NRG3: variants seen among roughly 807,000 people sequenced by gnomAD.
The protein encoded by NRG3 is neuregulin 3, also known as pro-neuregulin-3, membrane-bound isoform.
In NRG3, 31 loss-of-function variants were observed where a neutral mutation model predicts 66.9. The observed-to-expected ratio is 0.46, with a 90% CI of 0.35 to 0.63. The LOEUF is 0.63. Ranked by LOEUF, NRG3 falls within the 20% of genes least tolerant of loss-of-function variation. NRG3 has a pLI of 0.00. For synonymous variants in NRG3, 393 were observed against 359.4 expected, an observed-to-expected ratio of 1.09 and a Z score of -1.06; for missense variants, 910 against 878.9, an observed-to-expected ratio of 1.04 and a Z score of -0.45.
intron 2 of NRG3, among the ~76,000 whole-genome samples, chr10:82,658,421 G>GA (rs1165089182): frequency 6.6e-6 from 1 of 152,102 alleles, no homozygotes; most frequent in Non-Finnish European, 1.5e-5. Context: ...TGGCATTTAT[G>GA]AAAAATCTAC....
chr10:82,151,763 G>A (rs2070765455), intron 1 of NRG3, among the ~76,000 whole-genome samples: 1 of 152,138 alleles, frequency 6.6e-6, no homozygotes, highest in African/African-American at 2.4e-5. Context: ...TTATTGACCT[G>A]TGATGATCAC....
intron 1 of NRG3, among the ~76,000 whole-genome samples, chr10:82,280,036 T>G (rs2079051749): frequency 6.6e-6 from 1 of 152,146 alleles, no homozygotes; most frequent in African/African-American, 2.4e-5. Flanking sequence ...ATCAGGAGTT[T>G]CCAGTGGGCA....
chr10:82,577,972 A>G (rs759894961), intron 2 of NRG3, among the ~76,000 whole-genome samples: 3 of 151,594 alleles, frequency 2.0e-5, no homozygotes, highest in Non-Finnish European at 4.4e-5. Flanking sequence ...CTTTATTTCC[A>G]TGGTAACCAT....
At position 82,056,105 on chromosome 10, in the gene NRG3, C is replaced by G. The variant is rs76689111; in HGVS notation, c.823+179942C>G. Among the ~76,000 whole-genome samples, 944 of 152,230 alleles carry G rather than the reference C, an allele frequency of 6.2e-3. 6 individuals carry two copies. The highest frequency in any genetic ancestry group is 0.021 in the African/African-American group (883 of 41,534). Reference sequence around the variant, plus strand: ...TGCCTTTTAAAAAATTTTGTCCCATCATAGTACCTGTGTGGGAGTGTGACT... The same window carrying G: ...TGCCTTTTAAAAAATTTTGTCCCATGATAGTACCTGTGTGGGAGTGTGACT... On this transcript the variant is annotated intron_variant, in intron 1 of 8. Coordinates refer to ENST00000372141, the MANE Select transcript of NRG3 (RefSeq NM_001010848.4).
At chr10:82,633,719 C>T (rs570329558) in intron 2 of NRG3, among the ~76,000 whole-genome samples, 16 of 152,072 alleles carry the variant, frequency 1.1e-4, no homozygotes, top group African/African-American at 3.4e-4. Context: ...TTCCACGAGA[C>T]GTTACTAGAA....
At chr10:82,288,674 C>T (rs191289233) in intron 1 of NRG3, among the ~76,000 whole-genome samples, 17 of 152,304 alleles carry the variant, frequency 1.1e-4, no homozygotes, top group East Asian at 9.7e-4. Context: ...CTAGAACTCA[C>T]GATCCAGTGG....
At chr10:82,140,778 T>C (rs1425926383) in intron 1 of NRG3, among the ~76,000 whole-genome samples, 1 of 151,972 alleles carries the variant, frequency 6.6e-6, no homozygotes, top group African/African-American at 2.4e-5. Flanking sequence ...AATAAAACAA[T>C]GTTAATCTGT....
At chr10:82,677,806 C>T (rs1192890027) in intron 2 of NRG3, among the ~76,000 whole-genome samples, 1 of 152,122 alleles carries the variant, frequency 6.6e-6, no homozygotes, top group African/African-American at 2.4e-5. Context: ...TGGAAGGGGG[C>T]CAAGTGGGCA....
intron 4 of NRG3, among the ~76,000 whole-genome samples, chr10:82,943,475 G>C (rs982080342): frequency 6.6e-6 from 1 of 152,198 alleles, no homozygotes; most frequent in Non-Finnish European, 1.5e-5. Context: ...GAGGCCAAAG[G>C]CTTGAGAACC....
chr10:82,552,188 A>C (rs1481891503), intron 2 of NRG3, among the ~76,000 whole-genome samples: 1 of 152,170 alleles, frequency 6.6e-6, no homozygotes, highest in Non-Finnish European at 1.5e-5. Flanking sequence ...TATTAGTTGA[A>C]ATAATTCTGT....
At chr10:82,177,485 TGAAAA>T (rs2073118584) in intron 1 of NRG3, among the ~76,000 whole-genome samples, 1 of 152,214 alleles carries the variant, frequency 6.6e-6, no homozygotes, top group Non-Finnish European at 1.5e-5. Context: ...GACCAAGATT[TGAAAA>T]GAAGTTTTTT....
intron 2 of NRG3, among the ~76,000 whole-genome samples, chr10:82,548,281 A>T (rs138756783): frequency 7.5e-4 from 114 of 152,136 alleles, no homozygotes; most frequent in Non-Finnish European, 1.4e-3. Flanking sequence ...GATTATTATA[A>T]ATTTCTAGCC....
chr10:82,984,866 T>C (rs1376802429), intron 8 of NRG3: 1 of 1,449,768 alleles, frequency 6.9e-7, no homozygotes, highest in Non-Finnish European at 9.5e-7. Context: ...TAAGAAGATC[T>C]GGGTTTGAGT....
At chr10:82,136,799 G>A (rs529684210) in intron 1 of NRG3, among the ~76,000 whole-genome samples, 18 of 152,248 alleles carry the variant, frequency 1.2e-4, no homozygotes, top group Admixed American at 7.2e-4. Context: ...TGCTCCCTCC[G>A]TGGGTTCAGG....
In NRG3 at chr10:82,502,447, C is replaced by T. The variant is rs140158709; in HGVS notation, c.953+143579C>T. Among the ~76,000 whole-genome samples, 521 of 152,302 alleles carry T rather than the reference C, an allele frequency of 3.4e-3. 9 individuals are homozygous for T. The highest frequency in any genetic ancestry group is 0.012 in the African/African-American group (500 of 41,570). On this transcript the variant is annotated intron_variant, in intron 2 of 8. Coordinates refer to ENST00000372141, the MANE Select transcript of NRG3 (RefSeq NM_001010848.4). The stretch of plus-strand genomic sequence containing the variant: ...TTTATTGCAGGGGCAAAGTACTTTC[C>T]TTCTTCTCATACCTTCCAGTGCTAA...
At chr10:82,066,077 A>T (rs777647688) in intron 1 of NRG3, among the ~76,000 whole-genome samples, 70 of 152,148 alleles carry the variant, frequency 4.6e-4, no homozygotes, top group Non-Finnish European at 7.8e-4. Flanking sequence ...AAATGTATGT[A>T]TTTTGTTTCA....
chr10:82,956,701 G>A (rs1301472751), intron 5 of NRG3, among the ~76,000 whole-genome samples: 1 of 151,866 alleles, frequency 6.6e-6, no homozygotes, highest in African/African-American at 2.4e-5. Flanking sequence ...TCTGAGACAT[G>A]CACTCTTACT....
chr10:82,945,715 G>T (rs1848956823), intron 4 of NRG3, among the ~76,000 whole-genome samples: 1 of 152,058 alleles, frequency 6.6e-6, no homozygotes, highest in South Asian at 2.1e-4. Flanking sequence ...ATCCCTTCAT[G>T]AGTGGAGCCT....
At chr10:82,964,280 C>G (rs1850977514) in intron 6 of NRG3, among the ~76,000 whole-genome samples, 1 of 152,062 alleles carries the variant, frequency 6.6e-6, no homozygotes, top group Non-Finnish European at 1.5e-5. Flanking sequence ...TCATCTGTGC[C>G]AAGGCCTACA....
Sources: allele counts gnomAD v4.1 joint callset (sites outside exome capture counted in the v4.1 genomes callset), GRCh38; gene constraint gnomAD v4.1.1; transcripts MANE v1.5; gene names NCBI Gene and HGNC (gene_info 2026-07-23, HGNC 2026-07-21).